The following DMD variants were observed in gnomAD, a reference collection of about 807,000 sequenced individuals.
DMD encodes the protein dystrophin.
Under a neutral mutation model 330.1 loss-of-function variants are expected in DMD, and 63 were observed. That is an observed-to-expected ratio of 0.19 (90% CI 0.16 to 0.24). The LOEUF (loss-of-function observed/expected upper bound fraction) is 0.24, where lower values mean the gene tolerates loss of function less well. DMD is among the 10% of genes least tolerant of loss of function. The probability of loss-of-function intolerance (pLI) is 1.00; values close to 1 mark genes in which losing one functional copy is unlikely to be tolerated. For missense variants in DMD, 3,344 were observed against 2,684.1 expected (o/e 1.25, Z -5.43); for synonymous variants, 1,223 against 959.8 (o/e 1.27, Z -5.07).
intron 1 of DMD, among the ~76,000 whole-genome samples, chrX:33,060,985 A>T: frequency 8.9e-6 from 1 of 112,111 alleles, no homozygotes; most frequent in Non-Finnish European, 1.9e-5. Flanking sequence ...TTGAGTTGTG[A>T]CTCGCTAAAG....
Position 31,342,593 on chromosome X carries a change from C to A in DMD, c.9163+5963G>T, listed in dbSNP as rs756435764. ...AATATAACATTAATGTTTTAAAGAACCTGGCTTGGAAAATATTCTTTTAAG... is the reference window on the plus strand; with the variant it reads ...AATATAACATTAATGTTTTAAAGAAACTGGCTTGGAAAATATTCTTTTAAG... On this transcript the variant is annotated intron_variant, in intron 61 of 78. Transcript: ENST00000357033. 4.5e-4 allele frequency among the ~76,000 whole-genome samples: 50 copies of A among 111,120 alleles called. No individual in the cohort carries two copies. In the East Asian group the frequency reaches 5.6e-3, roughly 13 times the overall value.
intron 44 of DMD, among the ~76,000 whole-genome samples, chrX:32,010,192 A>G (rs979180571): frequency 1.8e-5 from 2 of 111,965 alleles, no homozygotes; most frequent in Non-Finnish European, 3.8e-5. Context: ...TGTTGTGCGC[A>G]TTCAGTAACA....
intron 44 of DMD, among the ~76,000 whole-genome samples, chrX:32,101,090 G>A (rs1163038275): frequency 2.7e-5 from 3 of 111,888 alleles, no homozygotes; most frequent in African/African-American, 6.5e-5. Flanking sequence ...TAAAATGTTC[G>A]TATCAGAGTC....
chrX:32,839,379 A>G (rs2079953128), intron 4 of DMD, among the ~76,000 whole-genome samples: 1 of 111,852 alleles, frequency 8.9e-6, no homozygotes, highest in South Asian at 3.7e-4. Flanking sequence ...CTCTTATTCT[A>G]TGTATCTCTT....
At chrX:31,521,829 A>G (rs1037563586) in intron 55 of DMD, among the ~76,000 whole-genome samples, 1 of 111,405 alleles carries the variant, frequency 9.0e-6, no homozygotes, top group Non-Finnish European at 1.9e-5. Flanking sequence ...CTTGCTGAAA[A>G]ACCTTTCTGC....
At chrX:32,118,363 G>A (rs1036529645) in intron 44 of DMD, among the ~76,000 whole-genome samples, 3 of 111,276 alleles carry the variant, frequency 2.7e-5, no homozygotes, top group South Asian at 3.8e-4. Flanking sequence ...AGTTCAAAAG[G>A]TGACAGGGAA....
intron 47 of DMD, among the ~76,000 whole-genome samples, chrX:31,892,217 G>A (rs2149768560): frequency 9.0e-6 from 1 of 111,556 alleles, no homozygotes; most frequent in African/African-American, 3.3e-5. Context: ...CGTTTCCAAA[G>A]CAGTGAAAGA....
chrX:32,910,915 A>G, intron 2 of DMD, among the ~76,000 whole-genome samples: 1 of 112,175 alleles, frequency 8.9e-6, no homozygotes, highest in East Asian at 2.8e-4. Context: ...TTAAACCAGT[A>G]TGACCAGAAT....
At chrX:31,180,620 A>G (rs1238067237) in intron 68 of DMD, 139 bp from the exon 69 acceptor site, 1 of 518,924 alleles carries the variant, frequency 1.9e-6, no homozygotes, top group Non-Finnish European at 3.4e-6. Flanking sequence ...TAAGTGATTA[A>G]CTTTCTGCCT....
In DMD at chrX:32,438,431, T is replaced by C. The variant is rs745753911; in HGVS notation, c.3922-41A>G. On this transcript the variant is annotated intron_variant, in intron 28 of 78. Coordinates refer to ENST00000357033, the MANE Select transcript of DMD (RefSeq NM_004006.3). ...AATAATTACTATTTCTCCTTTTTTT[T>C]CTAAATACATTGGATTATCAGCAAA... The C allele has an allele frequency of 3.7e-5, 43 of 1,174,996 alleles. No homozygotes were observed. In the Admixed American group the frequency reaches 9.2e-4, roughly 25 times the overall value.
In DMD at chrX:33,010,068, A is replaced by G. The variant is rs1464313238; in HGVS notation, c.93+10071T>C. ...CATGTGTATATATACGTGTATATAT[A>G]CACAAATGTGCACATGTGTATATAT... On this transcript the variant is annotated intron_variant, in intron 2 of 78. Coordinates refer to ENST00000357033, the MANE Select transcript of DMD (RefSeq NM_004006.3). Among the ~76,000 whole-genome samples, 2 of 60,665 alleles carry G rather than the reference A, an allele frequency of 3.3e-5. 1 individual carries two copies. Among genetic ancestry groups the G allele is most frequent in the Non-Finnish European group, 6.2e-5 (2 of 32,201 alleles). The allele number at this position is 60,665 out of a possible 115,157, so 52.7% of individuals were successfully genotyped here.
intron 2 of DMD, among the ~76,000 whole-genome samples, chrX:33,012,962 A>G (rs1287832996): frequency 9.0e-6 from 1 of 111,105 alleles, no homozygotes; most frequent in African/African-American, 3.3e-5. Flanking sequence ...GTTACTAAAC[A>G]TTCAAAGGTA....
At chrX:32,971,412 G>A (rs139419443) in intron 2 of DMD, among the ~76,000 whole-genome samples, 3,166 of 111,309 alleles carry the variant, frequency 0.028, 108 homozygotes, top group African/African-American at 0.099. Flanking sequence ...TATATAAGTG[G>A]CATGTGAAGA....
intron 59 of DMD, among the ~76,000 whole-genome samples, 158 bp downstream of exon 59, chrX:31,477,948 T>C (rs1047609545): frequency 8.9e-6 from 1 of 111,969 alleles, no homozygotes; most frequent in Non-Finnish European, 1.9e-5. Flanking sequence ...CACTGTCTTC[T>C]CTTGGAGAAA....
chrX:33,009,283 T>TATATACACAC (rs2093527669), intron 2 of DMD, among the ~76,000 whole-genome samples: 1 of 59,148 alleles, frequency 1.7e-5, no homozygotes, highest in East Asian at 8.1e-4. Flanking sequence ...CACATATGTG[T>TATATACACAC]ATGTGTGTAT....
chrX:32,809,312 A>G (rs1393253506), intron 7 of DMD, among the ~76,000 whole-genome samples, 181 bp downstream of exon 7: 1 of 112,065 alleles, frequency 8.9e-6, no homozygotes, highest in Non-Finnish European at 1.9e-5. Flanking sequence ...TATTTTGAGA[A>G]CTAGAATTAA....
At chrX:32,446,313 A>T (rs1461586737) in intron 27 of DMD, among the ~76,000 whole-genome samples, 6 of 110,195 alleles carry the variant, frequency 5.4e-5, no homozygotes, top group African/African-American at 2.0e-4. Flanking sequence ...GAAAATTTAA[A>T]GGTACCAGAG....
In DMD at chrX:32,062,637, A is replaced by G. The variant is rs186317475; in HGVS notation, c.6439-94123T>C. 2.8e-3 allele frequency among the ~76,000 whole-genome samples: 315 copies of G among 111,231 alleles called. 3 individuals carry two copies. The highest frequency in any genetic ancestry group is 4.9e-3 in the Non-Finnish European group (258 of 52,721). On this transcript the variant is annotated intron_variant, in intron 44 of 78. Transcript: ENST00000357033. ...TGTGTTACTTTTGTATATCGGGAAT[A>G]CGTTTCTTAAAAAGTATAAGTAAAA...
chrX:32,596,887 C>T (rs2055615514), intron 12 of DMD, among the ~76,000 whole-genome samples: 1 of 111,103 alleles, frequency 9.0e-6, no homozygotes, highest in Admixed American at 9.6e-5. Flanking sequence ...TTTTTCCCTT[C>T]CGCTCAAACT....
Sources: allele counts gnomAD v4.1 joint callset (sites outside exome capture counted in the v4.1 genomes callset), GRCh38; gene constraint gnomAD v4.1.1; transcripts MANE v1.5; gene names NCBI Gene and HGNC (gene_info 2026-07-23, HGNC 2026-07-21).